The following TRPS1 variants were observed in gnomAD, a reference collection of about 807,000 sequenced individuals.
TRPS1 encodes the protein transcriptional repressor GATA binding 1.
In TRPS1, 6 loss-of-function variants were observed where a neutral mutation model predicts 101.2. The ratio of observed to expected loss-of-function variants is 0.06; its 90% CI spans 0.03 to 0.12. TRPS1 has a LOEUF of 0.12. TRPS1 is among the 10% of genes least tolerant of loss of function. TRPS1 has a pLI of 1.00. For missense variants in TRPS1, 1,363 were observed against 1,567.0 expected (o/e 0.87, Z 2.20); for synonymous variants, 578 against 589.8 (o/e 0.98, Z 0.29).
intron 4 of TRPS1, among the ~76,000 whole-genome samples, chr8:115,600,107 A>G (rs1056660017): frequency 6.6e-6 from 1 of 152,114 alleles, no homozygotes; most frequent in Non-Finnish European, 1.5e-5. Context: ...AGCTTTTCTC[A>G]TATGTTTATT....
At chr8:115,460,274 A>T (rs1814134703) in intron 5 of TRPS1, among the ~76,000 whole-genome samples, 1 of 151,942 alleles carries the variant, frequency 6.6e-6, no homozygotes, top group Non-Finnish European at 1.5e-5. Context: ...CTTTTTCTGA[A>T]ATGTTAGTAT....
chr8:115,535,513 TATATATAGCGC>T (rs1228317369), intron 5 of TRPS1, among the ~76,000 whole-genome samples: 32 of 148,156 alleles, frequency 2.2e-4, no homozygotes, highest in East Asian at 7.8e-4. Context: ...ATATAGCGCA[TATATATAGCGC>T]ATATATAGCG....
At chr8:115,567,069 C>A (rs975118622) in intron 5 of TRPS1, among the ~76,000 whole-genome samples, 1 of 152,086 alleles carries the variant, frequency 6.6e-6, no homozygotes, top group South Asian at 2.1e-4. Flanking sequence ...ATATTTCTTG[C>A]CAACTATGGC....
At chr8:115,655,058 G>A (rs370058994) in intron 1 of TRPS1, among the ~76,000 whole-genome samples, 1 of 152,162 alleles carries the variant, frequency 6.6e-6, no homozygotes, top group African/African-American at 2.4e-5. Flanking sequence ...CCAAGTTCTA[G>A]TTCAGTCCTT....
chr8:115,492,329 G>A (rs1045719118), intron 5 of TRPS1: 39 of 447,756 alleles, frequency 8.7e-5, no homozygotes, highest in South Asian at 5.5e-4. Flanking sequence ...AATTAGAGAG[G>A]CAGATAATTT....
At chr8:115,537,602 C>A (rs1248871487) in intron 5 of TRPS1, among the ~76,000 whole-genome samples, 3 of 151,818 alleles carry the variant, frequency 2.0e-5, no homozygotes, top group South Asian at 2.1e-4. Flanking sequence ...TTTGGGGGAC[C>A]CAAATTAGTC....
At chr8:115,506,413 T>C (rs759918205) in intron 5 of TRPS1, among the ~76,000 whole-genome samples, 7 of 152,046 alleles carry the variant, frequency 4.6e-5, no homozygotes, top group Non-Finnish European at 8.8e-5. Flanking sequence ...CATTTTTTTT[T>C]CTCTTCTGTG....
At chr8:115,661,797 C>T (rs866800210) in intron 1 of TRPS1, 2 of 151,158 alleles carry the variant, frequency 1.3e-5, no homozygotes, top group Admixed American at 6.6e-5. Flanking sequence ...TCCCACCAAC[C>T]CCTCCCCACC....
chr8:115,460,234 A>G (rs192146032), intron 5 of TRPS1, among the ~76,000 whole-genome samples: 1 of 152,162 alleles, frequency 6.6e-6, no homozygotes, highest in Non-Finnish European at 1.5e-5. Flanking sequence ...AGTAAAATTT[A>G]TTACCCAGAT....
At chr8:115,561,746 G>A (rs1431691565) in intron 5 of TRPS1, among the ~76,000 whole-genome samples, 4 of 151,758 alleles carry the variant, frequency 2.6e-5, no homozygotes, top group African/African-American at 9.7e-5. Flanking sequence ...CAAGAAAAAT[G>A]CAAGAAAAAG....
At chr8:115,565,088 G>A (rs1817035518) in intron 5 of TRPS1, among the ~76,000 whole-genome samples, 1 of 152,084 alleles carries the variant, frequency 6.6e-6, no homozygotes, top group African/African-American at 2.4e-5. Flanking sequence ...CGTGGGAATA[G>A]AGACCTTAGG....
intron 5 of TRPS1, among the ~76,000 whole-genome samples, chr8:115,497,271 G>A (rs917613154): frequency 6.6e-6 from 1 of 152,170 alleles, no homozygotes; most frequent in African/African-American, 2.4e-5. Context: ...ATTCTAATAA[G>A]GAGCGTGCAA....
chr8:115,564,727 T>A (rs1334642811), intron 5 of TRPS1, among the ~76,000 whole-genome samples: 2 of 152,098 alleles, frequency 1.3e-5, no homozygotes, highest in Non-Finnish European at 2.9e-5. Flanking sequence ...AAGATTTCTG[T>A]CCACTCCTGT....
Position 115,631,252 on chromosome 8 carries a change from T to C in TRPS1, c.-121-7494A>G, listed in dbSNP as rs115304812. ...CACACAGAATTATGTGTTTATGTTTTAGGCTACCCCTCTAGACTGTGAAAC... is the reference window on the plus strand; with the variant it reads ...CACACAGAATTATGTGTTTATGTTTCAGGCTACCCCTCTAGACTGTGAAAC... On this transcript the variant is annotated intron_variant, in intron 1 of 6. Transcript: ENST00000395715. 3.4e-3 allele frequency among the ~76,000 whole-genome samples: 519 copies of C among 152,236 alleles called. 2 individuals are homozygous for C. Among genetic ancestry groups the C allele is most frequent in the African/African-American group, 0.011 (475 of 41,546 alleles).
intron 5 of TRPS1, among the ~76,000 whole-genome samples, chr8:115,487,465 C>A (rs528016039): frequency 1.3e-5 from 2 of 152,194 alleles, no homozygotes; most frequent in South Asian, 4.2e-4. Context: ...GCTGAAGCGG[C>A]CATAGATAGT....
At chr8:115,580,602 T>C (rs948955519) in intron 5 of TRPS1, among the ~76,000 whole-genome samples, 16 of 152,028 alleles carry the variant, frequency 1.1e-4, no homozygotes, top group Admixed American at 2.0e-4. Flanking sequence ...GATAGTTATA[T>C]AGGAAATAAT....
chr8:115,590,864 G>A (rs1442435412), intron 4 of TRPS1, among the ~76,000 whole-genome samples: 1 of 151,882 alleles, frequency 6.6e-6, no homozygotes, highest in Non-Finnish European at 1.5e-5. Flanking sequence ...TGTTCTCTGT[G>A]AATCCACATT....
At chr8:115,608,443 C>T (rs1818088420) in intron 3 of TRPS1, among the ~76,000 whole-genome samples, 1 of 152,190 alleles carries the variant, frequency 6.6e-6, no homozygotes, top group African/African-American at 2.4e-5. Flanking sequence ...AAGATACTTA[C>T]ATTGTAAGAT....
At position 115,534,339 on chromosome 8, in the gene TRPS1, T is replaced by C. The variant is rs567600707; in HGVS notation, c.2700+52662A>G. Among the ~76,000 whole-genome samples the C allele has an allele frequency of 6.9e-5, 10 of 144,460 alleles. No individual in the cohort carries two copies. In the East Asian group the frequency reaches 1.3e-3, roughly 18 times the overall value. The allele number at this position is 144,460 out of a possible 152,430, so 94.8% of individuals were successfully genotyped here. On this transcript the variant is annotated intron_variant, in intron 5 of 6. Transcript: ENST00000395715. ...AACCGCAGTACCATCACACTGGAGA[T>C]TGAAGCTCTAACCCCGATACCATCA...
Sources: gnomAD v4.1 joint callset for allele counts (sites outside exome capture counted in the v4.1 genomes callset) on GRCh38, gnomAD v4.1.1 for gene constraint, MANE v1.5 for transcripts, NCBI Gene and HGNC (gene_info 2026-07-23, HGNC 2026-07-21) for gene names.